Variants in CNTN6 observed in about 807,000 individuals in gnomAD.
The protein encoded by CNTN6 is contactin 6, also known as contactin-6.
CNTN6 carries 137 observed loss-of-function variants against 122.8 expected under a neutral mutation model. That is an observed-to-expected ratio of 1.12 (90% confidence interval 0.97 to 1.29). CNTN6 has a LOEUF of 1.29. CNTN6 is among the 50% of genes most tolerant of loss of function. The probability of loss-of-function intolerance (pLI) is 0.00; values close to 1 mark genes in which losing one functional copy is unlikely to be tolerated. For missense variants in CNTN6, 1,634 were observed against 1,223.4 expected, an observed-to-expected ratio of 1.34 and a Z score of -5.01; for synonymous variants, 570 against 426.0, an observed-to-expected ratio of 1.34 and a Z score of -4.16.
intron 20 of CNTN6, among the ~76,000 whole-genome samples, chr3:1,388,322 G>T (rs962200099): frequency 1.4e-5 from 2 of 145,892 alleles, no homozygotes; most frequent in South Asian, 2.2e-4. Flanking sequence ...CACACGGCAG[G>T]GTATGCCAAC....
chr3:1,198,228 AT>A (rs2093807243), intron 2 of CNTN6, among the ~76,000 whole-genome samples: 2 of 152,346 alleles, frequency 1.3e-5, no homozygotes, highest in African/African-American at 4.8e-5. Flanking sequence ...ACCAAAAAAA[AT>A]ATTCTTCATT....
At chr3:1,381,796 T>G (rs1691933692) in intron 17 of CNTN6, among the ~76,000 whole-genome samples, 1 of 152,140 alleles carries the variant, frequency 6.6e-6, no homozygotes, top group South Asian at 2.1e-4. Context: ...TCTGTGTATA[T>G]CTATCATTGT....
chr3:1,370,843 A>G (rs1435872443), intron 12 of CNTN6, among the ~76,000 whole-genome samples: 2 of 152,110 alleles, frequency 1.3e-5, no homozygotes, highest in African/African-American at 4.8e-5. Context: ...GCGAGACTCC[A>G]TCTCAAAAAT....
chr3:1,094,823 T>G (rs1199701758), intron 1 of CNTN6, among the ~76,000 whole-genome samples: 1 of 152,104 alleles, frequency 6.6e-6, no homozygotes, highest in Non-Finnish European at 1.5e-5. Context: ...ACCTTTTAAA[T>G]TCTTTTATGT....
intron 11 of CNTN6, among the ~76,000 whole-genome samples, chr3:1,334,045 T>TCAA: frequency 1.3e-5 from 2 of 152,230 alleles, no homozygotes; most frequent in East Asian, 3.9e-4. Flanking sequence ...TCTTGGCTGT[T>TCAA]TTAAGAGTTC....
intron 20 of CNTN6, among the ~76,000 whole-genome samples, chr3:1,392,351 A>C (rs1399030428): frequency 6.6e-6 from 1 of 152,170 alleles, no homozygotes; most frequent in Non-Finnish European, 1.5e-5. Context: ...CTGGCTACCC[A>C]TATGTAGAAA....
intron 4 of CNTN6, among the ~76,000 whole-genome samples, chr3:1,277,330 T>C: frequency 6.7e-6 from 1 of 150,008 alleles, no homozygotes; most frequent in African/African-American, 2.4e-5. Context: ...ACTACTTCTG[T>C]CTTTTAGTAG....
At chr3:1,268,257 G>T (rs2094957998) in intron 4 of CNTN6, among the ~76,000 whole-genome samples, 2 of 152,144 alleles carry the variant, frequency 1.3e-5, no homozygotes, top group South Asian at 4.1e-4. Flanking sequence ...GGCAGTGAGG[G>T]TCACTAACCA....
At chr3:1,228,445 G>A (rs953458758) in intron 4 of CNTN6, among the ~76,000 whole-genome samples, 1 of 152,164 alleles carries the variant, frequency 6.6e-6, no homozygotes, top group African/African-American at 2.4e-5. Flanking sequence ...AAATAAAGTG[G>A]TTGCCAAAGG....
At chr3:1,313,190 T>C (rs1699634850) in intron 7 of CNTN6, among the ~76,000 whole-genome samples, 1 of 152,098 alleles carries the variant, frequency 6.6e-6, no homozygotes, top group South Asian at 2.1e-4. Flanking sequence ...GTATTATTTA[T>C]TAATAAAAAA....
At chr3:1,241,360 C>T (rs930861642) in intron 4 of CNTN6, among the ~76,000 whole-genome samples, 23 of 151,838 alleles carry the variant, frequency 1.5e-4, no homozygotes, top group Middle Eastern at 6.8e-3. Flanking sequence ...CTGCTTCAAG[C>T]GGGATTAGGG....
chr3:1,156,417 G>T (rs561200890), intron 2 of CNTN6, among the ~76,000 whole-genome samples: 11 of 152,150 alleles, frequency 7.2e-5, no homozygotes, highest in Non-Finnish European at 1.3e-4. Flanking sequence ...ATTTACACTT[G>T]TTGAATTTGT....
At chr3:1,389,999 A>G (rs553374028) in intron 20 of CNTN6, among the ~76,000 whole-genome samples, 17 of 151,602 alleles carry the variant, frequency 1.1e-4, no homozygotes, top group Middle Eastern at 3.4e-3. Context: ...TAGACAGATC[A>G]ATGAGACAGA....
intron 17 of CNTN6, among the ~76,000 whole-genome samples, chr3:1,378,357 A>C (rs1710182001): frequency 6.6e-6 from 1 of 152,170 alleles, no homozygotes; most frequent in African/African-American, 2.4e-5. Context: ...TTCTTGCTGT[A>C]GCCTACTTCA....
intron 12 of CNTN6, among the ~76,000 whole-genome samples, chr3:1,363,881 T>G (rs1054222598): frequency 6.6e-6 from 1 of 151,972 alleles, no homozygotes; most frequent in Non-Finnish European, 1.5e-5. Context: ...CCACCAACAG[T>G]ATGTAAGAGC....
intron 2 of CNTN6, among the ~76,000 whole-genome samples, chr3:1,220,001 C>CA (rs1302348085): frequency 1.3e-5 from 2 of 150,800 alleles, no homozygotes; most frequent in Non-Finnish European, 3.0e-5. Flanking sequence ...CAATCTGTCT[C>CA]AAAAAATAAA....
At chr3:1,146,896 A>G (rs1404120285) in intron 1 of CNTN6, among the ~76,000 whole-genome samples, 2 of 152,258 alleles carry the variant, frequency 1.3e-5, no homozygotes, top group Admixed American at 6.6e-5. Context: ...CATTGACTCA[A>G]TACCTATGTT....
At chr3:1,098,103 G>GA (rs775742519) in intron 1 of CNTN6, among the ~76,000 whole-genome samples, 76 of 151,450 alleles carry the variant, frequency 5.0e-4, no homozygotes, top group Non-Finnish European at 9.0e-4. Context: ...GCGGGGGGGG[G>GA]AGGGATAGCA....
intron 2 of CNTN6, among the ~76,000 whole-genome samples, chr3:1,162,386 C>T (rs529696292): frequency 1.4e-4 from 21 of 150,618 alleles, no homozygotes; most frequent in African/African-American, 5.2e-4. Context: ...TGGGGTTGTA[C>T]AGCTCAGAAG....
Sources: gnomAD v4.1 joint callset for allele counts (sites outside exome capture counted in the v4.1 genomes callset) on GRCh38, gnomAD v4.1.1 for gene constraint, MANE v1.5 for transcripts, NCBI Gene and HGNC (gene_info 2026-07-23, HGNC 2026-07-21) for gene names.